The following TENM4 variants were observed in gnomAD, a reference collection of about 807,000 sequenced individuals.
TENM4 encodes teneurin-4.
In TENM4, 82 loss-of-function variants were observed where a neutral mutation model predicts 243.3. The observed-to-expected ratio is 0.34, with a 90% CI of 0.28 to 0.40. The LOEUF is 0.40. TENM4 is among the 10% of genes least tolerant of loss of function. The probability of loss-of-function intolerance (pLI) is 1.00; values close to 1 mark genes in which losing one functional copy is unlikely to be tolerated. For missense variants in TENM4, 3,138 were observed against 3,673.3 expected, an observed-to-expected ratio of 0.85 and a Z score of 3.77; for synonymous variants, 1,412 against 1,456.3, an observed-to-expected ratio of 0.97 and a Z score of 0.69.
chr11:79,227,467 G>A (rs142542746), intron 2 of TENM4, among the ~76,000 whole-genome samples: 2 of 152,156 alleles, frequency 1.3e-5, no homozygotes, highest in Non-Finnish European at 2.9e-5. Flanking sequence ...AGGCAGGAGC[G>A]TCACTCTGTA....
At chr11:79,341,910 C>A (rs958170819) in intron 1 of TENM4, among the ~76,000 whole-genome samples, 6 of 152,184 alleles carry the variant, frequency 3.9e-5, no homozygotes, top group Non-Finnish European at 7.3e-5. Context: ...AGCAAATATA[C>A]CCTAAGCCTC....
At chr11:79,072,459 G>A (rs560365708) in intron 4 of TENM4, among the ~76,000 whole-genome samples, 5 of 146,302 alleles carry the variant, frequency 3.4e-5, no homozygotes, top group African/African-American at 1.0e-4. Flanking sequence ...TGTACTCCCC[G>A]CTGGGCAAGA....
intron 2 of TENM4, among the ~76,000 whole-genome samples, chr11:79,243,789 A>G (rs1462690871): frequency 2.6e-5 from 4 of 152,230 alleles, no homozygotes; most frequent in African/African-American, 7.2e-5. Flanking sequence ...TGAGGCTCAG[A>G]TAAGTCATGT....
chr11:79,106,262 C>T (rs1432173218), intron 4 of TENM4, among the ~76,000 whole-genome samples: 1 of 152,246 alleles, frequency 6.6e-6, no homozygotes, highest in Non-Finnish European at 1.5e-5. Flanking sequence ...GGGCAGGAAT[C>T]TCCCCAGCAT....
chr11:79,357,070 A>G (rs1456764149), intron 1 of TENM4, among the ~76,000 whole-genome samples: 7 of 152,132 alleles, frequency 4.6e-5, no homozygotes, highest in African/African-American at 1.7e-4. Context: ...CTCTGCCCCC[A>G]ACAAAAGGCT....
chr11:78,972,767 C>T (rs547803678), intron 6 of TENM4, among the ~76,000 whole-genome samples: 1 of 152,320 alleles, frequency 6.6e-6, no homozygotes, highest in South Asian at 2.1e-4. Context: ...ACCATCACCA[C>T]AATCCATTTT....
At chr11:78,715,978 G>A (rs1455329161) in intron 25 of TENM4, among the ~76,000 whole-genome samples, 1 of 152,186 alleles carries the variant, frequency 6.6e-6, no homozygotes, top group Non-Finnish European at 1.5e-5. Context: ...ACCTAGGGAT[G>A]CCCATTCTGT....
intron 15 of TENM4, among the ~76,000 whole-genome samples, chr11:78,798,215 A>G (rs966923384): frequency 1.3e-5 from 2 of 152,210 alleles, no homozygotes; most frequent in Non-Finnish European, 2.9e-5. Flanking sequence ...TGCAACTGCT[A>G]TGTTTAGAGC....
intron 30 of TENM4, among the ~76,000 whole-genome samples, chr11:78,672,825 ACT>A (rs1032843741): frequency 6.6e-6 from 1 of 151,572 alleles, no homozygotes; most frequent in Non-Finnish European, 1.5e-5. Context: ...TCTGGACTTG[ACT>A]CTCACACATA....
intron 1 of TENM4, among the ~76,000 whole-genome samples, chr11:79,351,137 CT>C (rs1857408862): frequency 6.6e-6 from 1 of 152,198 alleles, no homozygotes; most frequent in Non-Finnish European, 1.5e-5. Context: ...GGTTTTCCCC[CT>C]GAAAGGAGAT....
intron 6 of TENM4, among the ~76,000 whole-genome samples, chr11:78,968,244 G>A (rs1483006577): frequency 6.6e-6 from 1 of 152,196 alleles, no homozygotes; most frequent in Non-Finnish European, 1.5e-5. Context: ...GCAGTTGCTG[G>A]TGCTGTGCTT....
intron 5 of TENM4, among the ~76,000 whole-genome samples, chr11:79,069,284 T>A (rs1002732384): frequency 2.0e-5 from 3 of 152,138 alleles, no homozygotes; most frequent in Non-Finnish European, 4.4e-5. Context: ...ACAGCAAAAC[T>A]AGGAACTAAC....
At chr11:78,691,901 T>C (rs1328773657) in intron 28 of TENM4, among the ~76,000 whole-genome samples, 1 of 152,216 alleles carries the variant, frequency 6.6e-6, no homozygotes, top group Non-Finnish European at 1.5e-5. Context: ...TGCTGCTTGA[T>C]TGATACCTGT....
rs1275003057 is a variant in TENM4 at position 79,138,443 on chromosome 11, T to G, written c.-66+10267A>C. Among the ~76,000 whole-genome samples, 6 of 115,608 alleles carry G rather than the reference T, an allele frequency of 5.2e-5. 1 individual carries two copies. The highest frequency in any genetic ancestry group is 2.2e-4 in the African/African-American group (6 of 27,904). 75.8% of individuals were successfully genotyped at this position (115,608 alleles called of 152,430 possible). On this transcript the variant is annotated intron_variant, in intron 4 of 33. Coordinates refer to ENST00000278550, the MANE Select transcript of TENM4 (RefSeq NM_001098816.3). ...TTATATTATATATAAATATATATTA[T>G]ATTTATATATAATATATTTTAATAT...
chr11:79,027,554 T>C (rs1179488415), intron 6 of TENM4, among the ~76,000 whole-genome samples: 1 of 152,212 alleles, frequency 6.6e-6, no homozygotes, highest in African/African-American at 2.4e-5. Context: ...GCATCCTTAG[T>C]TTCCTGCCTT....
chr11:78,736,633 C>T (rs1379244284), intron 20 of TENM4, among the ~76,000 whole-genome samples: 3 of 152,084 alleles, frequency 2.0e-5, no homozygotes, highest in Non-Finnish European at 2.9e-5. Context: ...TATGGTTTTT[C>T]GTAAGGTACG....
intron 4 of TENM4, among the ~76,000 whole-genome samples, chr11:79,122,181 G>A (rs976005008): frequency 1.3e-5 from 2 of 152,108 alleles, no homozygotes; most frequent in Admixed American, 6.5e-5. Flanking sequence ...AATTTGACCA[G>A]GTGATTGCTA....
Position 78,658,301 on chromosome 11 carries a change from C to A in TENM4, c.8067G>T (p.Arg2689=). The A allele has an allele frequency of 6.2e-7, 1 of 1,613,054 alleles. No homozygotes were observed. The highest frequency in any genetic ancestry group is 8.5e-7 in the Non-Finnish European group (1 of 1,179,256). Residue 2689 remains arginine (R), a synonymous_variant, in exon 34 of 34, where the codon CGG becomes CGT. Coordinates refer to ENST00000278550, the MANE Select transcript of TENM4 (RefSeq NM_001098816.3). ...YGTTLDEEKA[R]VLELARQRAV... The stretch of plus-strand genomic sequence containing the variant: ...CTCTCTGCCGGGCCAGCTCCAGGAC[C>A]CGTGCCTTCTCCTCATCCAACGTTG...
chr11:78,830,371 T>C (rs1857951559), intron 12 of TENM4, among the ~76,000 whole-genome samples: 1 of 152,062 alleles, frequency 6.6e-6, no homozygotes, highest in Non-Finnish European at 1.5e-5. Context: ...AGGTAGAGGG[T>C]GCACAAAGGA....
Sources: allele counts gnomAD v4.1 joint callset (sites outside exome capture counted in the v4.1 genomes callset), GRCh38; gene constraint gnomAD v4.1.1; transcripts MANE v1.5; gene names NCBI Gene and HGNC (gene_info 2026-07-23, HGNC 2026-07-21).